TMTC2: variants seen among roughly 807,000 people sequenced by gnomAD.
TMTC2 encodes transmembrane O-mannosyltransferase targeting cadherins 2.
Under a neutral mutation model 82.4 loss-of-function variants are expected in TMTC2, and 43 were observed. The ratio of observed to expected loss-of-function variants is 0.52; its 90% CI spans 0.41 to 0.67. The LOEUF is 0.67. Ranked by LOEUF, TMTC2 falls within the 30% of genes least tolerant of loss-of-function variation. The pLI, the probability that TMTC2 is intolerant of heterozygous loss-of-function variation, is 0.00. For synonymous variants in TMTC2, 408 were observed against 381.9 expected (o/e 1.07, Z -0.80); for missense variants, 919 against 1,012.4 (o/e 0.91, Z 1.25).
intron 1 of TMTC2, among the ~76,000 whole-genome samples, chr12:82,742,207 C>T (rs1304226211): frequency 6.6e-6 from 1 of 152,090 alleles, no homozygotes; most frequent in Non-Finnish European, 1.5e-5. Context: ...TGTCTGCATC[C>T]TTATGACCCA....
chr12:82,919,678 G>A (rs192528843), intron 3 of TMTC2, among the ~76,000 whole-genome samples: 87 of 152,288 alleles, frequency 5.7e-4, no homozygotes, highest in Non-Finnish European at 1.1e-3. Context: ...CTAAAAGGGA[G>A]AAAGAGGAAA....
intron 1 of TMTC2, among the ~76,000 whole-genome samples, chr12:82,694,424 A>T (rs1259007836): frequency 6.6e-6 from 1 of 152,202 alleles, no homozygotes; most frequent in African/African-American, 2.4e-5. Context: ...CCTGTACCAC[A>T]TTGCTTGAGG....
chr12:82,765,090 T>C (rs899122339), intron 1 of TMTC2, among the ~76,000 whole-genome samples: 17 of 151,946 alleles, frequency 1.1e-4, no homozygotes, highest in African/African-American at 4.1e-4. Context: ...GTGGGCAAAA[T>C]ATGGGGGAGG....
At chr12:83,086,807 G>T (rs1883676119) in intron 11 of TMTC2, among the ~76,000 whole-genome samples, 1 of 152,114 alleles carries the variant, frequency 6.6e-6, no homozygotes, top group Non-Finnish European at 1.5e-5. Flanking sequence ...AATGCTAACG[G>T]TCATCTGAGC....
At chr12:82,816,063 A>G (rs1027121096) in intron 1 of TMTC2, among the ~76,000 whole-genome samples, 4 of 152,064 alleles carry the variant, frequency 2.6e-5, no homozygotes, top group Admixed American at 6.6e-5. Context: ...ATTAAATAAT[A>G]TATAAAGGCA....
chr12:82,845,539 A>C (rs1052573156), intron 1 of TMTC2, among the ~76,000 whole-genome samples: 1 of 151,936 alleles, frequency 6.6e-6, no homozygotes, highest in Non-Finnish European at 1.5e-5. Flanking sequence ...AAATCTGGAA[A>C]ATTAGAAACA....
intron 11 of TMTC2, among the ~76,000 whole-genome samples, chr12:83,095,890 G>T (rs1884012556): frequency 6.6e-6 from 1 of 152,170 alleles, no homozygotes. Flanking sequence ...ATTAGAAATG[G>T]AAGTTTAAGC....
chr12:82,706,323 C>CAAA (rs11365830), intron 1 of TMTC2, among the ~76,000 whole-genome samples: 4 of 80,246 alleles, frequency 5.0e-5, no homozygotes, highest in African/African-American at 1.9e-4. Context: ...GAGTCCATCT[C>CAAA]AAAAAAAAAA....
chr12:82,815,804 G>A (rs143262231), intron 1 of TMTC2, among the ~76,000 whole-genome samples: 1,751 of 152,198 alleles, frequency 0.012, 26 homozygotes, highest in Non-Finnish European at 0.02. Flanking sequence ...CAATCTGAAA[G>A]ATAACACTGT....
In TMTC2 at chr12:83,022,900, A is replaced by T. The variant is rs563750683; in HGVS notation, c.2071-7898A>T. On this transcript the variant is annotated intron_variant, in intron 8 of 11. Coordinates refer to ENST00000321196, the MANE Select transcript of TMTC2 (RefSeq NM_152588.3). ...GGTTTAGATAATTTTCTGCACAATC[A>T]TTTTAGTAGAAACATTGTATTTCAT... Among the ~76,000 whole-genome samples, 8 of 152,336 alleles carry T rather than the reference A, an allele frequency of 5.3e-5. No individual in the cohort carries two copies. In the East Asian group the frequency reaches 1.5e-3, roughly 29 times the overall value.
chr12:82,700,787 A>G (rs1873038669), intron 1 of TMTC2, among the ~76,000 whole-genome samples: 1 of 152,150 alleles, frequency 6.6e-6, no homozygotes. Flanking sequence ...GTCCATTTTC[A>G]TGGTGCTATA....
At chr12:82,991,947 G>A (rs1024162575) in intron 8 of TMTC2, among the ~76,000 whole-genome samples, 1 of 152,126 alleles carries the variant, frequency 6.6e-6, no homozygotes, top group African/African-American at 2.4e-5. Context: ...GACTTAAATT[G>A]TAGTAAAAGT....
chr12:82,975,858 A>G (rs1475322932), intron 7 of TMTC2, among the ~76,000 whole-genome samples: 6 of 150,334 alleles, frequency 4.0e-5, no homozygotes, highest in Non-Finnish European at 5.9e-5. Flanking sequence ...TACAGTATTC[A>G]TGCATTCTTT....
At chr12:82,865,222 G>A (rs1169085188) in intron 2 of TMTC2, among the ~76,000 whole-genome samples, 5 of 152,128 alleles carry the variant, frequency 3.3e-5, no homozygotes, top group East Asian at 1.9e-4. Context: ...GCAAGACTCC[G>A]ATAAAGAGTC....
chr12:82,798,572 G>A (rs1477531388), intron 1 of TMTC2, among the ~76,000 whole-genome samples: 3 of 151,234 alleles, frequency 2.0e-5, no homozygotes, highest in Admixed American at 6.6e-5. Flanking sequence ...TTGGGAGGCC[G>A]AGGTGGTTGG....
chr12:82,711,761 T>C (rs1444932318), intron 1 of TMTC2, among the ~76,000 whole-genome samples: 1 of 152,190 alleles, frequency 6.6e-6, no homozygotes, highest in Admixed American at 6.5e-5. Context: ...CAGATAGAAG[T>C]GTGTAAATTT....
At chr12:83,108,714 A>C (rs1159530402) in intron 11 of TMTC2, among the ~76,000 whole-genome samples, 2 of 152,098 alleles carry the variant, frequency 1.3e-5, no homozygotes, top group East Asian at 3.9e-4. Flanking sequence ...TTACTCAATT[A>C]TTAGAAACAT....
chr12:82,709,247 CAG>C (rs1873516525), intron 1 of TMTC2, among the ~76,000 whole-genome samples: 1 of 152,130 alleles, frequency 6.6e-6, no homozygotes, highest in Non-Finnish European at 1.5e-5. Flanking sequence ...TTGCCTACTG[CAG>C]AGTTATATCT....
At chr12:82,822,163 G>A (rs1869154837) in intron 1 of TMTC2, among the ~76,000 whole-genome samples, 1 of 152,190 alleles carries the variant, frequency 6.6e-6, no homozygotes, top group Admixed American at 6.5e-5. Context: ...GTGAAGGAGG[G>A]AGGGATGAAA....
Sources: allele counts gnomAD v4.1 joint callset (sites outside exome capture counted in the v4.1 genomes callset), GRCh38; gene constraint gnomAD v4.1.1; transcripts MANE v1.5; gene names NCBI Gene and HGNC (gene_info 2026-07-23, HGNC 2026-07-21).